Variants in SULF1 observed in about 807,000 individuals in gnomAD.
The protein encoded by SULF1 is extracellular sulfatase Sulf-1.
SULF1 carries 46 observed loss-of-function variants against 110.5 expected under a neutral mutation model. That is an observed-to-expected ratio of 0.42 (90% CI 0.33 to 0.53). The LOEUF is 0.53. SULF1 is among the 20% of genes least tolerant of loss of function. The probability of loss-of-function intolerance (pLI) is 0.12; values close to 1 mark genes in which losing one functional copy is unlikely to be tolerated. For missense variants in SULF1, 941 were observed against 1,094.2 expected (o/e 0.86, Z 1.98); for synonymous variants, 371 against 387.1 (o/e 0.96, Z 0.49).
chr8:69,644,220 G>A (rs1406691772), intron 22 of SULF1, among the ~76,000 whole-genome samples: 2 of 152,182 alleles, frequency 1.3e-5, no homozygotes, highest in East Asian at 3.9e-4. Context: ...CGTGCTGTAC[G>A]GCACTGTGGT....
intron 3 of SULF1, among the ~76,000 whole-genome samples, chr8:69,518,996 G>A (rs772582987): frequency 8.5e-5 from 13 of 152,074 alleles, no homozygotes; most frequent in Non-Finnish European, 1.3e-4. Context: ...TCCTCTCTGT[G>A]CTATAGTCTA....
chr8:69,520,463 A>G (rs376955782), intron 3 of SULF1, among the ~76,000 whole-genome samples: 4 of 152,300 alleles, frequency 2.6e-5, no homozygotes, highest in African/African-American at 9.6e-5. Flanking sequence ...TGATCTCCAC[A>G]TGAGAGTTAA....
At chr8:69,541,064 A>G (rs1204591619) in intron 3 of SULF1, among the ~76,000 whole-genome samples, 1 of 152,168 alleles carries the variant, frequency 6.6e-6, no homozygotes, top group Admixed American at 6.5e-5. Flanking sequence ...GAAAGAAACA[A>G]GCAGAACATA....
At chr8:69,500,658 G>A (rs1810730305) in intron 2 of SULF1, among the ~76,000 whole-genome samples, 1 of 152,116 alleles carries the variant, frequency 6.6e-6, no homozygotes, top group Non-Finnish European at 1.5e-5. Context: ...AATAATTTGT[G>A]ATATCAGCAC....
chr8:69,638,925 C>T, intron 21 of SULF1, 67 bp downstream of exon 21: 2 of 1,469,104 alleles, frequency 1.4e-6, no homozygotes, highest in Non-Finnish European at 1.8e-6. Flanking sequence ...AGCTTTCTGC[C>T]TTGGAAACAT....
chr8:69,649,814 G>T (rs1812190040), intron 22 of SULF1, among the ~76,000 whole-genome samples: 1 of 151,886 alleles, frequency 6.6e-6, no homozygotes, highest in Non-Finnish European at 1.5e-5. Context: ...GGTGGAGTTT[G>T]CTAGGTGAAG....
chr8:69,606,896 G>C (rs1331418884), intron 13 of SULF1, among the ~76,000 whole-genome samples: 1 of 152,142 alleles, frequency 6.6e-6, no homozygotes, highest in African/African-American at 2.4e-5. Flanking sequence ...TTTTAGAAAG[G>C]CCTGAATTCG....
At chr8:69,552,432 C>G (rs944336375) in intron 3 of SULF1, among the ~76,000 whole-genome samples, 1 of 152,174 alleles carries the variant, frequency 6.6e-6, no homozygotes, top group Admixed American at 6.5e-5. Flanking sequence ...TCTTGCCTGG[C>G]TTTATTCTCC....
intron 13 of SULF1, among the ~76,000 whole-genome samples, chr8:69,619,002 C>A (rs1040134718): frequency 3.3e-5 from 5 of 152,190 alleles, no homozygotes; most frequent in Admixed American, 6.5e-5. Flanking sequence ...CAAATATGTA[C>A]TGGTATAAGA....
At chr8:69,605,239 C>G (rs1159806096) in intron 13 of SULF1, among the ~76,000 whole-genome samples, 1 of 152,186 alleles carries the variant, frequency 6.6e-6, no homozygotes, top group Non-Finnish European at 1.5e-5. Flanking sequence ...TAACTAGTCA[C>G]TGAAGAGTTG....
rs1405633748 is a variant in SULF1 at position 69,493,030 on chromosome 8, GAGGA to G, written c.-479_-476del. 1 of 152,618 alleles carries G rather than the reference GAGGA, an allele frequency of 6.6e-6. No homozygotes were observed. Among genetic ancestry groups the G allele is most frequent in the East Asian group, 1.9e-4 (1 of 5,164 alleles). The allele number at this position is 152,618 out of a possible 1,614,324, so 9.5% of individuals were successfully genotyped here. ...GGAACATGACTCTCCCCCTTCGGAGGAGGAAGGAAGTCCCGCTGCCACCTTATCT... is the reference window on the plus strand; with the variant it reads ...GGAACATGACTCTCCCCCTTCGGAGGAGGAAGTCCCGCTGCCACCTTATCT... On this transcript the variant is annotated 5_prime_UTR_variant, in exon 1 of 23. An upstream open reading frame in the 5' UTR loses its in-frame stop. Coordinates refer to ENST00000402687, the MANE Select transcript of SULF1 (RefSeq NM_001128205.2).
chr8:69,575,981 G>A lies in SULF1; in HGVS notation c.184G>A (p.Val62Ile). The A allele has an allele frequency of 6.2e-7, 1 of 1,613,906 alleles. No individual in the cohort carries two copies. The highest frequency in any genetic ancestry group is 1.1e-5 in the South Asian group (1 of 91,034). ...ACTGTGCCTTTCAGGGTCCCTGCAA[G>A]TCATGAACAAAACGAGAAAGATTAT... is the stretch of plus-strand genomic sequence containing the variant. ...DQDVELGSLQVMNKTRKIMEH... is the reference protein window; with the variant it reads ...DQDVELGSLQIMNKTRKIMEH... Residue 62 changes from valine to isoleucine, a missense_variant, in exon 6 of 23, where the codon GTC becomes ATC. Physicochemically the swap from Val to Ile is conservative, Grantham distance 29. Around this residue, in one of 3 missense-constraint regions of SULF1, gnomAD observed 822 missense variants for 934.3 expected, o/e 0.88. Coordinates refer to ENST00000402687, the MANE Select transcript of SULF1 (RefSeq NM_001128205.2).
In SULF1 at chr8:69,576,136, T is replaced by C; in HGVS notation, c.339T>C (p.Ser113=). ...HNVYTNNENC[S]SPSWQAMHEP... ...TCTACACCAACAACGAGAACTGCTC[T>C]TCCCCCTCGTGGCAGGCCATGCATG... Residue 113 remains serine, a synonymous_variant, in exon 6 of 23, where the codon TCT becomes TCC. Transcript: ENST00000402687. The C allele has an allele frequency of 1.9e-6, 3 of 1,614,212 alleles. No individual in the cohort carries two copies. The highest frequency in any genetic ancestry group is 2.5e-6 in the Non-Finnish European group (3 of 1,180,034).
intron 3 of SULF1, among the ~76,000 whole-genome samples, chr8:69,519,938 GT>G (rs1480557636): frequency 6.6e-6 from 1 of 152,084 alleles, no homozygotes; most frequent in Non-Finnish European, 1.5e-5. Context: ...CACATTAAAG[GT>G]TTCTTTCTGA....
chr8:69,559,748 C>T (rs1815346792), intron 3 of SULF1, among the ~76,000 whole-genome samples: 1 of 152,124 alleles, frequency 6.6e-6, no homozygotes, highest in Non-Finnish European at 1.5e-5. Context: ...ATCATACTCC[C>T]CCAGCCACCA....
chr8:69,616,702 G>GTGTTTTTT, intron 13 of SULF1, among the ~76,000 whole-genome samples: 3 of 104,602 alleles, frequency 2.9e-5, no homozygotes, highest in African/African-American at 7.5e-5. Context: ...GTGCCCGGCC[G>GTGTTTTTT]TTTTTTTTTT....
chr8:69,533,378 A>G (rs1813231886), intron 3 of SULF1, among the ~76,000 whole-genome samples: 1 of 152,064 alleles, frequency 6.6e-6, no homozygotes. Context: ...TGCATTAGCT[A>G]TTTATCCTGA....
chr8:69,654,465 C>T (rs774031250), intron 22 of SULF1, among the ~76,000 whole-genome samples: 34 of 152,336 alleles, frequency 2.2e-4, no homozygotes, highest in Non-Finnish European at 4.0e-4. Flanking sequence ...TACCTGCATT[C>T]ACTGTTAACC....
chr8:69,475,880 T>TATGC (rs1212774980), intron 1 of SULF1, among the ~76,000 whole-genome samples: 1 of 152,208 alleles, frequency 6.6e-6, no homozygotes, highest in East Asian at 1.9e-4. Context: ...TCATAAGGCA[T>TATGC]ATGCCGCCTT....
Sources: gnomAD v4.1 joint callset for allele counts (sites outside exome capture counted in the v4.1 genomes callset) on GRCh38, gnomAD v4.1.1 for gene constraint, gnomAD v4.1.1 regional missense constraint, MANE v1.5 for transcripts, NCBI Gene and HGNC (gene_info 2026-07-23, HGNC 2026-07-21) for gene names.